EXOC6B: variants seen among roughly 807,000 people sequenced by gnomAD.
EXOC6B encodes the protein exocyst complex component 6B.
In EXOC6B, 54 loss-of-function variants were observed where a neutral mutation model predicts 113.5. That is an observed-to-expected ratio of 0.48 (90% confidence interval 0.38 to 0.60). The LOEUF is 0.60. EXOC6B is among the 20% of genes least tolerant of loss of function. The pLI is 0.00. For missense variants in EXOC6B, 797 were observed against 977.5 expected, an observed-to-expected ratio of 0.82 and a Z score of 2.46; for synonymous variants, 357 against 339.0, an observed-to-expected ratio of 1.05 and a Z score of -0.58.
At chr2:72,409,963 A>G (rs906818493) in intron 18 of EXOC6B, among the ~76,000 whole-genome samples, 13 of 152,206 alleles carry the variant, frequency 8.5e-5, no homozygotes, top group African/African-American at 2.9e-4. Context: ...CAATGAGAAC[A>G]TGGGATGCCG....
At chr2:72,630,583 G>T (rs1026723779) in intron 6 of EXOC6B, among the ~76,000 whole-genome samples, 1 of 151,692 alleles carries the variant, frequency 6.6e-6, no homozygotes, top group Non-Finnish European at 1.5e-5. Flanking sequence ...CTTCCACTAG[G>T]ACCTCTGGAA....
At chr2:72,249,142 T>G (rs1480811254) in intron 20 of EXOC6B, among the ~76,000 whole-genome samples, 1 of 152,224 alleles carries the variant, frequency 6.6e-6, no homozygotes, top group East Asian at 1.9e-4. Context: ...GTAATATGCC[T>G]GCAGTCCCAG....
At chr2:72,225,527 G>T (rs1336765260) in intron 20 of EXOC6B, among the ~76,000 whole-genome samples, 2 of 152,154 alleles carry the variant, frequency 1.3e-5, no homozygotes, top group East Asian at 1.9e-4. Flanking sequence ...CGAGGCTTGG[G>T]TTTACAAGCC....
At chr2:72,318,010 C>T (rs188461285) in intron 20 of EXOC6B, among the ~76,000 whole-genome samples, 7 of 152,204 alleles carry the variant, frequency 4.6e-5, no homozygotes, top group Admixed American at 2.6e-4. Context: ...TTTTTTAACA[C>T]GGTCCAGAAA....
rs560086338 is a variant in EXOC6B at position 72,705,889 on chromosome 2, G to A, written c.669+12214C>T. ...AAAAAGTGCCTCATTCCCAATCACT[G>A]AGTAGCCTAACAATAATTAATTAAA... is the stretch of plus-strand genomic sequence containing the variant. On this transcript the variant is annotated intron_variant, in intron 6 of 21. Transcript: ENST00000272427. Among the ~76,000 whole-genome samples the A allele has an allele frequency of 2.0e-5, 3 of 152,282 alleles. No individual in the cohort carries two copies. In the South Asian group the frequency reaches 6.2e-4, roughly 32 times the overall value.
In EXOC6B at chr2:72,400,779, G is replaced by T. The variant is rs545754837; in HGVS notation, c.1981-20909C>A. ...CAGTCAAAATAACTATTATTAAAAA[G>T]CCAAAAAAACAACAGATACTGGTGA... is the stretch of plus-strand genomic sequence containing the variant. On this transcript the variant is annotated intron_variant, in intron 18 of 21. Coordinates refer to ENST00000272427, the MANE Select transcript of EXOC6B (RefSeq NM_015189.3). 2.2e-4 allele frequency among the ~76,000 whole-genome samples: 33 copies of T among 151,478 alleles called. 1 individual carries two copies. Among genetic ancestry groups the T allele is most frequent in the African/African-American group, 4.4e-4 (18 of 41,344 alleles).
At chr2:72,235,271 A>G (rs1247797937) in intron 20 of EXOC6B, among the ~76,000 whole-genome samples, 2 of 152,236 alleles carry the variant, frequency 1.3e-5, no homozygotes, top group Non-Finnish European at 2.9e-5. Context: ...GCTAGAAGCC[A>G]TAATACTAAG....
At chr2:72,281,439 A>T (rs943080350) in intron 20 of EXOC6B, among the ~76,000 whole-genome samples, 4 of 152,218 alleles carry the variant, frequency 2.6e-5, no homozygotes, top group African/African-American at 9.6e-5. Flanking sequence ...TAAAATACAG[A>T]ATTTCACCAC....
intron 1 of EXOC6B, among the ~76,000 whole-genome samples, chr2:72,767,896 G>A (rs1292482656): frequency 2.1e-5 from 3 of 145,792 alleles, no homozygotes; most frequent in Non-Finnish European, 4.5e-5. Context: ...CAGGCGGATC[G>A]CCTGAGGTCA....
rs571052196 is a variant in EXOC6B at position 72,357,241 on chromosome 2, ATTG to A, written c.2123-22224_2123-22222del. ...ATTGTTATAATTGTTCTATTTTATT[ATTG>A]TTGTTGTTAATATCTTATTGTACCT... is the stretch of plus-strand genomic sequence containing the variant. On this transcript the variant is annotated intron_variant, in intron 19 of 21. Coordinates refer to ENST00000272427, the MANE Select transcript of EXOC6B (RefSeq NM_015189.3). Among the ~76,000 whole-genome samples the A allele has an allele frequency of 1.3e-4, 20 of 152,322 alleles. 1 individual carries two copies. In the East Asian group the frequency reaches 1.4e-3, roughly 10 times the overall value.
chr2:72,631,656 C>A (rs1435012874), intron 6 of EXOC6B, among the ~76,000 whole-genome samples: 1 of 151,724 alleles, frequency 6.6e-6, no homozygotes, highest in Non-Finnish European at 1.5e-5. Flanking sequence ...AGGCATGCAC[C>A]ACCATGCCTA....
chr2:72,596,173 G>A (rs1240376179), intron 6 of EXOC6B, among the ~76,000 whole-genome samples: 2 of 152,132 alleles, frequency 1.3e-5, no homozygotes, highest in African/African-American at 2.4e-5. Context: ...CTTAGAAGCT[G>A]TGACTCCCAT....
intron 20 of EXOC6B, among the ~76,000 whole-genome samples, chr2:72,186,437 C>T (rs1205976686): frequency 6.6e-6 from 1 of 152,114 alleles, no homozygotes; most frequent in Non-Finnish European, 1.5e-5. Context: ...AAAGTTCTTT[C>T]AGTACTGTGC....
At chr2:72,250,670 G>A (rs1682958641) in intron 20 of EXOC6B, among the ~76,000 whole-genome samples, 1 of 151,882 alleles carries the variant, frequency 6.6e-6, no homozygotes, top group African/African-American at 2.4e-5. Context: ...GGCAAGAAAA[G>A]TCAGATCTCT....
chr2:72,388,539 T>C (rs183011734), intron 18 of EXOC6B, among the ~76,000 whole-genome samples: 62 of 152,302 alleles, frequency 4.1e-4, no homozygotes, highest in African/African-American at 1.4e-3. Flanking sequence ...TAATATCCTA[T>C]AAATAGACAT....
intron 20 of EXOC6B, among the ~76,000 whole-genome samples, chr2:72,233,775 C>T (rs375045967): frequency 7.9e-5 from 12 of 152,326 alleles, no homozygotes; most frequent in South Asian, 2.1e-4. Flanking sequence ...TGCTTCAGCA[C>T]GACTTTGGCT....
chr2:72,751,299 T>C (rs571656685), intron 1 of EXOC6B, among the ~76,000 whole-genome samples: 3 of 152,216 alleles, frequency 2.0e-5, no homozygotes, highest in African/African-American at 7.2e-5. Context: ...GCAGGACAAT[T>C]TGAAGTGGGG....
chr2:72,604,455 A>C (rs1276594879), intron 6 of EXOC6B, among the ~76,000 whole-genome samples: 1 of 152,244 alleles, frequency 6.6e-6, no homozygotes, highest in Non-Finnish European at 1.5e-5. Flanking sequence ...CAGGCACTAT[A>C]GTAAGCAGAA....
chr2:72,717,703 T>C (rs974891316), intron 6 of EXOC6B, among the ~76,000 whole-genome samples: 8 of 151,094 alleles, frequency 5.3e-5, no homozygotes, highest in Non-Finnish European at 2.9e-5. Context: ...AATATGCATA[T>C]ATAACATGCT....
Sources: gnomAD v4.1 joint callset for allele counts (sites outside exome capture counted in the v4.1 genomes callset) on GRCh38, gnomAD v4.1.1 for gene constraint, MANE v1.5 for transcripts, NCBI Gene and HGNC (gene_info 2026-07-23, HGNC 2026-07-21) for gene names.